The following BCAS3 variants were observed in gnomAD, a reference collection of about 807,000 sequenced individuals.
The protein encoded by BCAS3 is BCAS4/BCAS3 fusion.
BCAS3 carries 53 observed loss-of-function variants against 116.1 expected under a neutral mutation model. The observed-to-expected ratio is 0.46, with a 90% CI of 0.37 to 0.57. The LOEUF is 0.57. BCAS3 is among the 20% of genes least tolerant of loss of function. The pLI is 0.00. For missense variants in BCAS3, 917 were observed against 1,165.4 expected (o/e 0.79, Z 3.10); for synonymous variants, 391 against 408.2 (o/e 0.96, Z 0.51).
intron 22 of BCAS3, among the ~76,000 whole-genome samples, chr17:61,266,857 G>C (rs1392184064): frequency 6.6e-6 from 1 of 152,066 alleles, no homozygotes; most frequent in Non-Finnish European, 1.5e-5. Flanking sequence ...GTTTCAATTT[G>C]TAAATTTCAG....
chr17:60,799,070 G>A (rs1568276239), intron 6 of BCAS3, among the ~76,000 whole-genome samples: 1 of 152,062 alleles, frequency 6.6e-6, no homozygotes, highest in Non-Finnish European at 1.5e-5. Flanking sequence ...TTTATCAGAT[G>A]TGTTTTTTGC....
chr17:60,966,327 G>T (rs2061658354), intron 14 of BCAS3, among the ~76,000 whole-genome samples: 1 of 152,154 alleles, frequency 6.6e-6, no homozygotes, highest in Non-Finnish European at 1.5e-5. Context: ...TTTACATTCA[G>T]CCTTATTATT....
rs1191169507 is a variant in BCAS3, at chr17:61,118,773, T to C, written c.2425+34209T>C. ...TTGTGACAAAAGCATAGACAGACCT[T>C]GAGGTGTAGAAATGTTCAATAACCT... On this transcript the variant is annotated intron_variant, in intron 22 of 23. Transcript: ENST00000407086. This position sits in a 1 kb window ranked among gnomAD's most constrained non-coding sequence, Gnocchi z 5.0. 6.6e-6 allele frequency among the ~76,000 whole-genome samples: 1 copy of C among 152,174 alleles called. No individual in the cohort carries two copies. The highest frequency in any genetic ancestry group is 1.5e-5 in the Non-Finnish European group (1 of 68,034).
In BCAS3 at chr17:61,051,012, T is replaced by G. The variant is rs1287072869; in HGVS notation, c.2029+10120T>G. On this transcript the variant is annotated intron_variant, in intron 19 of 23. Transcript: ENST00000407086. This position sits in a 1 kb window ranked among gnomAD's most constrained non-coding sequence, Gnocchi z 4.1. Reference sequence around the variant, plus strand: ...CACAAATATTTGGAAACTAACACACTTTTAAATAGTCCATGGTTCACAGAA... The same window carrying G: ...CACAAATATTTGGAAACTAACACACGTTTAAATAGTCCATGGTTCACAGAA... Among the ~76,000 whole-genome samples, 1 of 152,054 alleles carries G rather than the reference T, an allele frequency of 6.6e-6. No individual in the cohort carries two copies. The highest frequency in any genetic ancestry group is 1.5e-5 in the Non-Finnish European group (1 of 67,962).
rs8064681 is a variant in BCAS3, at chr17:61,077,849, G to A, written c.2131-484G>A. 0.35 allele frequency among the ~76,000 whole-genome samples: 53,122 copies of A among 152,082 alleles called. 15,056 individuals carry two copies. Among genetic ancestry groups the A allele is most frequent in the African/African-American group, 0.79 (32,792 of 41,490 alleles). ...TTCAGACCTTTACTTTTCCTTGGAT[G>A]GTTCAAGAACAACTTCACGTTTGTC... is the stretch of plus-strand genomic sequence containing the variant. On this transcript the variant is annotated intron_variant, in intron 20 of 23. Transcript: ENST00000407086. This position sits in a 1 kb window ranked among gnomAD's most constrained non-coding sequence, Gnocchi z 4.3.
intron 4 of BCAS3, among the ~76,000 whole-genome samples, chr17:60,707,212 C>T (rs987670687): frequency 5.3e-5 from 8 of 151,998 alleles, no homozygotes; most frequent in South Asian, 2.1e-4. Context: ...AGGCTGGTCT[C>T]GAATTCCCGA....
intron 5 of BCAS3, among the ~76,000 whole-genome samples, chr17:60,724,861 T>C (rs1304505495): frequency 2.0e-5 from 3 of 151,982 alleles, no homozygotes; most frequent in Non-Finnish European, 4.4e-5. Context: ...TTTCATTTCC[T>C]TTTTTGTAGA....
chr17:61,353,043 G>A (rs2378838), intron 22 of BCAS3, among the ~76,000 whole-genome samples: 32,504 of 152,140 alleles, frequency 0.21, 4,297 homozygotes, highest in East Asian at 0.63. Context: ...ATGGGGTGGG[G>A]AGAGGGAGGA....
chr17:61,167,761 G>T (rs923808058), intron 22 of BCAS3, among the ~76,000 whole-genome samples: 1 of 152,188 alleles, frequency 6.6e-6, no homozygotes, highest in Admixed American at 6.5e-5. Context: ...GGGGCTTCTT[G>T]TAGGGGATAC....
At chr17:60,902,909 C>A (rs1448898971) in intron 11 of BCAS3, among the ~76,000 whole-genome samples, 2 of 152,242 alleles carry the variant, frequency 1.3e-5, no homozygotes, top group Non-Finnish European at 2.9e-5. Context: ...ACAGTGACTT[C>A]TGGATTCTCT....
intron 22 of BCAS3, among the ~76,000 whole-genome samples, chr17:61,099,368 A>G (rs2074181062): frequency 6.6e-6 from 1 of 152,198 alleles, no homozygotes; most frequent in African/African-American, 2.4e-5. Context: ...ATAATCAACA[A>G]TGATAACCAT....
rs763382298 is a variant in BCAS3 at position 60,938,084 on chromosome 17, C to T, written c.1088-9135C>T. 9.1e-4 allele frequency among the ~76,000 whole-genome samples: 138 copies of T among 151,904 alleles called. 1 individual carries two copies. The highest frequency in any genetic ancestry group is 1.4e-3 in the Non-Finnish European group (94 of 67,986). ...CGGCTCACTGCCATCTCCGTAGAGA[C>T]GGGATTTCACCATGTTGGCCAGGAT... is the stretch of plus-strand genomic sequence containing the variant. On this transcript the variant is annotated intron_variant, in intron 13 of 23. Transcript: ENST00000407086.
At chr17:61,024,037 A>G (rs544035258) in intron 16 of BCAS3, among the ~76,000 whole-genome samples, 7 of 151,896 alleles carry the variant, frequency 4.6e-5, no homozygotes, top group Admixed American at 4.6e-4. Flanking sequence ...TTTTCTTTCC[A>G]CTCTCATCTC....
intron 22 of BCAS3, among the ~76,000 whole-genome samples, chr17:61,299,956 T>C (rs1486639329): frequency 6.6e-6 from 1 of 152,212 alleles, no homozygotes; most frequent in Non-Finnish European, 1.5e-5. Flanking sequence ...GATACGTGTA[T>C]AGAAGATGAA....
rs771119380 is a variant in BCAS3 at position 61,196,764 on chromosome 17, G to A, written c.2425+112200G>A. On this transcript the variant is annotated intron_variant, in intron 22 of 23. Transcript: ENST00000407086. This position sits in a 1 kb window ranked among gnomAD's most constrained non-coding sequence, Gnocchi z 4.7. ...TTGCATTTATCGGCATTCATGCTCC[G>A]TTTTTTCTGTTTATCATAGGGTCTA... is the stretch of plus-strand genomic sequence containing the variant. Among the ~76,000 whole-genome samples the A allele has an allele frequency of 2.6e-4, 40 of 152,282 alleles. No homozygotes were observed. The highest frequency in any genetic ancestry group is 7.9e-4 in the African/African-American group (33 of 41,564).
At chr17:60,766,382 A>G (rs1440205659) in intron 6 of BCAS3, among the ~76,000 whole-genome samples, 2 of 151,858 alleles carry the variant, frequency 1.3e-5, no homozygotes, top group Admixed American at 6.6e-5. Flanking sequence ...TTTGATGTGG[A>G]TGTCCTTTTT....
At chr17:61,164,943 T>C (rs1321781376) in intron 22 of BCAS3, among the ~76,000 whole-genome samples, 1 of 152,242 alleles carries the variant, frequency 6.6e-6, no homozygotes, top group Non-Finnish European at 1.5e-5. Flanking sequence ...ACCACTTTCC[T>C]GGTCCGTTAT....
intron 15 of BCAS3, among the ~76,000 whole-genome samples, chr17:61,006,779 A>G (rs1368991465): frequency 6.6e-6 from 1 of 152,026 alleles, no homozygotes; most frequent in Non-Finnish European, 1.5e-5. Context: ...TACATTTAGA[A>G]ATAGGTTGAG....
Position 61,388,959 on chromosome 17 carries a change from ATCATTCATTCATTCAT to A in BCAS3, c.2594-2989_2594-2974del, listed in dbSNP as rs58589853. On this transcript the variant is annotated intron_variant, in intron 23 of 23. Transcript: ENST00000407086. This position sits in a 1 kb window ranked among gnomAD's most constrained non-coding sequence, Gnocchi z 6.5. The stretch of plus-strand genomic sequence containing the variant: ...ATGGGCCCCCACCTCCCCTTACCAC[ATCATTCATTCATTCAT>A]TCATTCATTCATTCATTCATTCATT... 843 of 303,690 alleles carry A rather than the reference ATCATTCATTCATTCAT, an allele frequency of 2.8e-3. 5 individuals are homozygous for A. Among genetic ancestry groups the A allele is most frequent in the African/African-American group, 0.015 (715 of 46,258 alleles). 18.8% of individuals were successfully genotyped at this position (303,690 alleles called of 1,614,324 possible). A position where few individuals can be genotyped will look rare whatever the true frequency, so the allele number is the denominator to read the frequency against.
Sources: gnomAD v4.1 joint callset for allele counts (sites outside exome capture counted in the v4.1 genomes callset) on GRCh38, gnomAD v4.1.1 for gene constraint, Gnocchi (gnomAD v3.1) non-coding constraint, MANE v1.5 for transcripts, NCBI Gene and HGNC (gene_info 2026-07-23, HGNC 2026-07-21) for gene names.